Variants in PCDHGB3 observed in about 807,000 individuals in gnomAD.
PCDHGB3 encodes protocadherin gamma subfamily B, 3.
In PCDHGB3, 40 loss-of-function variants were observed where a neutral mutation model predicts 59.2. That is an observed-to-expected ratio of 0.68 (90% CI 0.52 to 0.88). The LOEUF (loss-of-function observed/expected upper bound fraction) is 0.88. Among genes scored for constraint, PCDHGB3 ranks in the 40% least tolerant of loss-of-function variants. PCDHGB3 has a pLI of 0.00. For missense variants in PCDHGB3, 1,309 were observed against 1,187.9 expected, an observed-to-expected ratio of 1.10 and a Z score of -1.50; for synonymous variants, 581 against 503.6, an observed-to-expected ratio of 1.15 and a Z score of -2.06.
rs772195653 is a variant in PCDHGB3 at position 141,477,704 on chromosome 5, C to A, written c.2416-17103C>A. On this transcript the variant is annotated intron_variant, in intron 1 of 3. Transcript: ENST00000576222. The surrounding 1 kb of genome is among the most constrained non-coding windows in gnomAD (Gnocchi z 4.9). ...CTTAGTGCCCCTAGACTATGAGGAT[C>A]GGCGGGAATTTGAATTAACAGCTCA... The A allele has an allele frequency of 5.0e-6, 8 of 1,613,850 alleles. No individual in the cohort carries two copies. Among genetic ancestry groups the A allele is most frequent in the Non-Finnish European group, 5.9e-6 (7 of 1,180,046 alleles).
intron 1 of PCDHGB3, among the ~76,000 whole-genome samples, chr5:141,442,846 C>T (rs1489647686): frequency 2.6e-5 from 4 of 152,234 alleles, no homozygotes; most frequent in Non-Finnish European, 4.4e-5. Context: ...AAATCTTGGC[C>T]ATTGTAGTAT....
chr5:141,383,239 A>T, intron 1 of PCDHGB3: 1 of 1,613,966 alleles, frequency 6.2e-7, no homozygotes, highest in South Asian at 1.1e-5. Flanking sequence ...GGAAGATAAA[A>T]TGAATCTTTA....
Position 141,418,471 on chromosome 5 carries a change from G to T in PCDHGB3, c.2415+45662G>T, listed in dbSNP as rs199547102. 57 of 1,614,002 alleles carry T rather than the reference G, an allele frequency of 3.5e-5. No homozygotes were observed. In the African/African-American group the frequency reaches 5.7e-4, roughly 16 times the overall value. ...TGCAGAAGACTCTGGACCGAGAAACGCAGAGCGCTCACCACTTGGTACTGA... is the reference window on the plus strand; with the variant it reads ...TGCAGAAGACTCTGGACCGAGAAACTCAGAGCGCTCACCACTTGGTACTGA... On this transcript the variant is annotated intron_variant, in intron 1 of 3. Coordinates refer to ENST00000576222, the MANE Select transcript of PCDHGB3 (RefSeq NM_018924.5).
At chr5:141,470,416 A>AT (rs1300623208) in intron 1 of PCDHGB3, among the ~76,000 whole-genome samples, 3 of 152,134 alleles carry the variant, frequency 2.0e-5, no homozygotes, top group African/African-American at 7.2e-5. Flanking sequence ...GATTTTATGT[A>AT]TTTTTTCCTT....
At chr5:141,420,190 A>T in intron 1 of PCDHGB3, 3 of 1,613,922 alleles carry the variant, frequency 1.9e-6, no homozygotes, top group Non-Finnish European at 2.5e-6. Flanking sequence ...GTCCAGCCAC[A>T]CAAGATAACC....
At position 141,511,313 on chromosome 5, in the gene PCDHGB3, CAGAA is replaced by C; in HGVS notation, c.*142_*145del. The C allele has an allele frequency of 2.0e-6, 3 of 1,482,944 alleles. No homozygotes were observed. In the South Asian group the frequency reaches 4.1e-5, roughly 20 times the overall value. 91.9% of individuals were successfully genotyped at this position (1,482,944 alleles called of 1,614,324 possible). ...CCAAGGCCATGCTCCCCTTGGGAAA[CAGAA>C]ACAAGTGCCCAGTCAGCACCTACCC... On this transcript the variant is annotated 3_prime_UTR_variant, in exon 4 of 4. Transcript: ENST00000576222.
Position 141,487,535 on chromosome 5 carries a change from G to A in PCDHGB3, c.2416-7272G>A. 6.2e-7 allele frequency: 1 copy of A among 1,614,154 alleles called. No individual in the cohort carries two copies. Among genetic ancestry groups the A allele is most frequent in the South Asian group, 1.1e-5 (1 of 91,084 alleles). ...CACTCGGAGTGATAGCTTCATGATG[G>A]TGAAGTCACCCAGTGCACCTATGGC... On this transcript the variant is annotated intron_variant, in intron 1 of 3. Transcript: ENST00000576222. This position sits in a 1 kb window ranked among gnomAD's most constrained non-coding sequence, Gnocchi z 5.0.
At position 141,431,213 on chromosome 5, in the gene PCDHGB3, T is replaced by A; in HGVS notation, c.2415+58404T>A. 6.2e-7 allele frequency: 1 copy of A among 1,614,142 alleles called. No individual in the cohort carries two copies. The highest frequency in any genetic ancestry group is 8.5e-7 in the Non-Finnish European group (1 of 1,180,038). On this transcript the variant is annotated intron_variant, in intron 1 of 3. Coordinates refer to ENST00000576222, the MANE Select transcript of PCDHGB3 (RefSeq NM_018924.5). The surrounding 1 kb of genome is among the most constrained non-coding windows in gnomAD (Gnocchi z 4.8). ...TGAAAATGCAGCCACTGAGATGCGG[T>A]TCCCTCTACCCCACGCCTGGGATCC...
chr5:141,412,559 GTTTA>G (rs2095563108), intron 1 of PCDHGB3: 1 of 152,224 alleles, frequency 6.6e-6, no homozygotes, highest in Admixed American at 6.5e-5. Flanking sequence ...TATCTCATGA[GTTTA>G]TTTAATATAA....
chr5:141,507,553 C>T (rs1382652977), intron 3 of PCDHGB3, among the ~76,000 whole-genome samples: 4 of 152,192 alleles, frequency 2.6e-5, no homozygotes, highest in Admixed American at 2.0e-4. Flanking sequence ...ATGAAAGTGG[C>T]AGGCGGCTGG....
In PCDHGB3 at chr5:141,489,483, T is replaced by C. The variant is rs2099687756; in HGVS notation, c.2416-5324T>C. ...GCTATTTTTCCCTGAGCTTGATGAGTGGTGCCCTGGCAGTGAATCAAAAGA... is the reference window on the plus strand; with the variant it reads ...GCTATTTTTCCCTGAGCTTGATGAGCGGTGCCCTGGCAGTGAATCAAAAGA... On this transcript the variant is annotated intron_variant, in intron 1 of 3. Coordinates refer to ENST00000576222, the MANE Select transcript of PCDHGB3 (RefSeq NM_018924.5). This position sits in a 1 kb window ranked among gnomAD's most constrained non-coding sequence, Gnocchi z 4.5. 1 of 1,613,862 alleles carries C rather than the reference T, an allele frequency of 6.2e-7. No individual in the cohort carries two copies. The highest frequency in any genetic ancestry group is 1.1e-5 in the South Asian group (1 of 91,078).
At chr5:141,389,180 CA>C (rs2091638521) in intron 1 of PCDHGB3, 6 of 1,614,034 alleles carry the variant, frequency 3.7e-6, no homozygotes, top group Non-Finnish European at 5.1e-6. Context: ...CCCTCTCCTC[CA>C]GTTCCAGCAT....
chr5:141,393,894 C>G lies in PCDHGB3; in HGVS notation c.2415+21085C>G, dbSNP rs201697840. 1.3e-3 allele frequency: 2,063 copies of G among 1,614,000 alleles called. 4 individuals are homozygous for G. Among genetic ancestry groups the G allele is most frequent in the Non-Finnish European group, 1.6e-3 (1,902 of 1,179,890 alleles). On this transcript the variant is annotated intron_variant, in intron 1 of 3. Transcript: ENST00000576222. ...GTTTAGCCCAGTGTTAGAAAATTCT[C>G]TTCCCGGGACAGTAATTGCCTTCTT...
At position 141,416,146 on chromosome 5, in the gene PCDHGB3, G is replaced by T. The variant is rs114133295; in HGVS notation, c.2415+43337G>T. 4.2e-3 allele frequency: 636 copies of T among 153,236 alleles called. 7 individuals carry two copies. Among genetic ancestry groups the T allele is most frequent in the South Asian group, 0.03 (145 of 4,832 alleles). 9.5% of individuals were successfully genotyped at this position (153,236 alleles called of 1,614,324 possible). Reference sequence around the variant, plus strand: ...TATATTTTTCAATCTATACTTTGTGGTGATAGTTGCAGTTGAATATACTAA... The same window carrying T: ...TATATTTTTCAATCTATACTTTGTGTTGATAGTTGCAGTTGAATATACTAA... On this transcript the variant is annotated intron_variant, in intron 1 of 3. Transcript: ENST00000576222.
At chr5:141,427,361 A>C in intron 1 of PCDHGB3, 1 of 457,772 alleles carries the variant, frequency 2.2e-6, no homozygotes, top group Non-Finnish European at 4.4e-6. Flanking sequence ...AGGACGCAGA[A>C]CCCTGGACGG....
At chr5:141,496,285 A>G (rs1003747820) in intron 2 of PCDHGB3, among the ~76,000 whole-genome samples, 1 of 152,210 alleles carries the variant, frequency 6.6e-6, no homozygotes, top group Non-Finnish European at 1.5e-5. Flanking sequence ...AGTTGGTCTG[A>G]GCAGAGTGGG....
Position 141,490,916 on chromosome 5 carries a change from A to C in PCDHGB3, c.2416-3891A>C. 1 of 1,613,724 alleles carries C rather than the reference A, an allele frequency of 6.2e-7. No homozygotes were observed. Among genetic ancestry groups the C allele is most frequent in the Non-Finnish European group, 8.5e-7 (1 of 1,179,736 alleles). ...CATGTGTTTGTCCTAGACGAGAATG[A>C]TAATGCCCCAGCTGTGCTGCACCCA... is the stretch of plus-strand genomic sequence containing the variant. On this transcript the variant is annotated intron_variant, in intron 1 of 3. Transcript: ENST00000576222. This position sits in a 1 kb window ranked among gnomAD's most constrained non-coding sequence, Gnocchi z 5.4.
intron 1 of PCDHGB3, chr5:141,374,861 C>T (rs1252622215): frequency 1.9e-6 from 3 of 1,613,638 alleles, no homozygotes; most frequent in Non-Finnish European, 2.5e-6. Flanking sequence ...AGTAGGCACA[C>T]CAGTGTTGGC....
chr5:141,387,764 AT>A, intron 1 of PCDHGB3: 1 of 1,430,464 alleles, frequency 7.0e-7, no homozygotes, highest in East Asian at 2.5e-5. Context: ...AAAAAGAAGA[AT>A]TTTTTCTTGA....
Sources: allele counts gnomAD v4.1 joint callset (sites outside exome capture counted in the v4.1 genomes callset), GRCh38; gene constraint gnomAD v4.1.1; non-coding constraint Gnocchi (gnomAD v3.1); transcripts MANE v1.5; gene names NCBI Gene and HGNC (gene_info 2026-07-23, HGNC 2026-07-21).